The following LRP1 variants were observed in gnomAD, a reference collection of about 807,000 sequenced individuals.
LRP1 encodes LDL receptor related protein 1, also known as prolow-density lipoprotein receptor-related protein 1.
A neutral mutation model predicts 541.5 loss-of-function variants in LRP1; 51 were observed. The observed-to-expected ratio is 0.09, with a 90% CI of 0.08 to 0.12. The LOEUF is 0.12. Among genes scored for constraint, LRP1 ranks in the 10% least tolerant of loss-of-function variants. The pLI is 1.00. For missense variants in LRP1, 3,878 were observed against 6,376.2 expected (o/e 0.61, Z 13.34); for synonymous variants, 2,219 against 2,470.8 (o/e 0.90, Z 3.02).
rs747375184 is a variant in LRP1 at position 57,208,232 on chromosome 12, G to A, written c.12038+16G>A. The A allele has an allele frequency of 1.4e-4, 223 of 1,609,452 alleles. 2 individuals carry two copies. The highest frequency in any genetic ancestry group is 2.0e-5 in the Non-Finnish European group (23 of 1,177,856). On this transcript the variant is annotated intron_variant, in intron 77 of 88. Coordinates refer to ENST00000243077, the MANE Select transcript of LRP1 (RefSeq NM_002332.3). ...CACTGAGGGGGTGGGCAAGGGCCCT[G>A]GGGGGAGGCCTCTGGGCTGGTGGTA...
intron 19 of LRP1, 124 bp downstream of exon 19, chr12:57,167,648 C>T (rs959224205): frequency 1.4e-6 from 1 of 738,264 alleles, no homozygotes; most frequent in Non-Finnish European, 2.3e-6. Context: ...TGAATCCCTG[C>T]TGGGTTGCCT....
intron 10 of LRP1, among the ~76,000 whole-genome samples, chr12:57,157,374 G>T (rs1565723731): frequency 6.6e-6 from 1 of 152,228 alleles, no homozygotes; most frequent in African/African-American, 2.4e-5. Context: ...ACTTTGGGAG[G>T]CCGAGGCAGG....
chr12:57,149,581 A>G, intron 6 of LRP1: 1 of 699,468 alleles, frequency 1.4e-6, no homozygotes, highest in Non-Finnish European at 2.6e-6. Flanking sequence ...GCTGAGTGGA[A>G]TCCAGGCATC....
chr12:57,130,374 C>T (rs1180215659), intron 1 of LRP1, among the ~76,000 whole-genome samples: 1 of 152,098 alleles, frequency 6.6e-6, no homozygotes, highest in East Asian at 1.9e-4. Flanking sequence ...CCCCAAAAAA[C>T]ATATTTAGTG....
chr12:57,202,755 G>A, intron 68 of LRP1: 1 of 597,778 alleles, frequency 1.7e-6, no homozygotes, highest in Non-Finnish European at 3.0e-6. Context: ...TCCTCTCGGG[G>A]TTGCAGAGGT....
intron 79 of LRP1, 60 bp downstream of exon 79, chr12:57,209,259 A>C: frequency 7.2e-7 from 1 of 1,383,880 alleles, no homozygotes; most frequent in South Asian, 1.2e-5. Context: ...CATCCTCCCT[A>C]CTGAGCCAAA....
chr12:57,133,618 C>T (rs1186420695), intron 1 of LRP1, among the ~76,000 whole-genome samples: 3 of 133,480 alleles, frequency 2.2e-5, no homozygotes, highest in African/African-American at 5.7e-5. Context: ...TCTGTCCCCG[C>T]GCCGCCCCCC....
chr12:57,146,292 T>C (rs2035405296), intron 6 of LRP1, among the ~76,000 whole-genome samples: 1 of 152,202 alleles, frequency 6.6e-6, no homozygotes, highest in African/African-American at 2.4e-5. Flanking sequence ...GAATCTGGCC[T>C]GTGGTTGATC....
In LRP1 at chr12:57,209,634, A is replaced by G. The variant is rs1800162; in HGVS notation, c.12263-58A>G. ...AACCACAGGTGCCAGTGTCGTGGAC[A>G]GCATGGCCAGGGCCTGAGTGCCCCT... On this transcript the variant is annotated intron_variant, in intron 79 of 88. Coordinates refer to ENST00000243077, the MANE Select transcript of LRP1 (RefSeq NM_002332.3). The G allele has an allele frequency of 0.35, 517,241 of 1,473,826 alleles. 94,769 individuals carry two copies. The highest frequency in any genetic ancestry group is 0.52 in the African/African-American group (37,255 of 72,148). 91.3% of individuals were successfully genotyped at this position (1,473,826 alleles called of 1,614,324 possible). A position where few individuals can be genotyped will look rare whatever the true frequency, so the allele number is the denominator to read the frequency against.
Position 57,203,161 on chromosome 12 carries a change from T to C in LRP1, c.10712-20T>C. ...CCTTGTGCCCACCCTCCTGGGCCTG[T>C]CTCCCCCTGTCCTTCCCAGCCCCTC... On this transcript the variant is annotated intron_variant, in intron 68 of 88. Transcript: ENST00000243077. The C allele has an allele frequency of 6.5e-7, 1 of 1,532,754 alleles. No homozygotes were observed. The highest frequency in any genetic ancestry group is 8.8e-7 in the Non-Finnish European group (1 of 1,130,566). 94.9% of individuals were successfully genotyped at this position (1,532,754 alleles called of 1,614,324 possible). A position where few individuals can be genotyped will look rare whatever the true frequency, so the allele number is the denominator to read the frequency against.
At chr12:57,138,818 CAG>C (rs1727283246) in intron 2 of LRP1, among the ~76,000 whole-genome samples, 1 of 152,246 alleles carries the variant, frequency 6.6e-6, no homozygotes, top group African/African-American at 2.4e-5. Context: ...CACCCCAAGA[CAG>C]TGTTCTCTGG....
At chr12:57,195,818 C>G in intron 53 of LRP1, 38 bp downstream of exon 53, 3 of 1,614,078 alleles carry the variant, frequency 1.9e-6, no homozygotes, top group Non-Finnish European at 2.5e-6. Flanking sequence ...GCCCTGCCCT[C>G]TGCCGGGCCA....
Position 57,156,773 on chromosome 12 carries a change from C to T in LRP1, c.1418-4C>T. ...GTCCTAACAGCTCTTCACCCTGCCC[C>T]CAGTGAGGAGCCATGCCTGTGAAAA... is the stretch of plus-strand genomic sequence containing the variant. On this transcript the variant is annotated splice_region_variant and splice_polypyrimidine_tract_variant and intron_variant, in intron 9 of 88. Transcript: ENST00000243077. The surrounding 1 kb of genome is among the most constrained non-coding windows in gnomAD (Gnocchi z 5.2). The T allele has an allele frequency of 6.2e-7, 1 of 1,605,628 alleles. No individual in the cohort carries two copies. The highest frequency in any genetic ancestry group is 8.5e-7 in the Non-Finnish European group (1 of 1,174,582).
Position 57,154,818 on chromosome 12 carries a change from GC to G in LRP1, c.1227+121del. ...GAGTCTCCTGGTAAAGAGCGTGGAT[GC>G]CCCAGGCCTCTAGTGGGAGTGGGGT... On this transcript the variant is annotated intron_variant, in intron 8 of 88. Transcript: ENST00000243077. This position sits in a 1 kb window ranked among gnomAD's most constrained non-coding sequence, Gnocchi z 4.6. 1 of 935,860 alleles carries G rather than the reference GC, an allele frequency of 1.1e-6. No individual in the cohort carries two copies. Among genetic ancestry groups the G allele is most frequent in the Non-Finnish European group, 1.7e-6 (1 of 596,808 alleles). The allele number at this position is 935,860 out of a possible 1,614,324, so 58.0% of individuals were successfully genotyped here.
At chr12:57,148,875 G>A (rs1156822339) in intron 6 of LRP1, 2 of 493,698 alleles carry the variant, frequency 4.1e-6, no homozygotes, top group Admixed American at 7.6e-5. Flanking sequence ...CTCAGCAAAG[G>A]GCCCCTAGGC....
chr12:57,175,953 C>T lies in LRP1; in HGVS notation c.3838C>T (p.Arg1280Trp), dbSNP rs769050147. ...FIIFSNRHEI[R>W]RIDLHKGDYS... ...CATTTTCTCCAACCGCCATGAAATC[C>T]GGCGCATCGATCTTCACAAAGGAGA... The change falls in exon 24 of 89, where the codon CGG becomes TGG. Residue 1280 changes from arginine (R) to tryptophan (W), a missense_variant. Physicochemically the swap from Arg to Trp is moderately radical, Grantham distance 101. This residue lies in a region of LRP1 where 320 missense variants were observed against 547.9 expected (regional missense o/e 0.58). Coordinates refer to ENST00000243077, the MANE Select transcript of LRP1 (RefSeq NM_002332.3). 1 of 1,614,218 alleles carries T rather than the reference C, an allele frequency of 6.2e-7. No homozygotes were observed. The highest frequency in any genetic ancestry group is 8.5e-7 in the Non-Finnish European group (1 of 1,180,042).
chr12:57,176,242 A>G, intron 24 of LRP1, 136 bp downstream of exon 24: 1 of 811,818 alleles, frequency 1.2e-6, no homozygotes, highest in South Asian at 1.7e-5. Context: ...ATTGGGTTAG[A>G]TTTTGCTGTG....
At position 57,210,155 on chromosome 12, in the gene LRP1, C is replaced by T. The variant is rs746223922; in HGVS notation, c.12566C>T (p.Thr4189Met). The T allele has an allele frequency of 1.1e-5, 18 of 1,602,644 alleles. No homozygotes were observed. The highest frequency in any genetic ancestry group is 4.5e-5 in the East Asian group (2 of 44,750). ...NGTCVPVPSP[T>M]PPPDAPRPGT... The stretch of plus-strand genomic sequence containing the variant: ...ACATGCGTGCCTGTGCCCTCTCCAA[C>T]GCCCCCCCCAGATGGTATGCTTATG... Residue 4189 changes from threonine to methionine, a missense_variant, in exon 81 of 89, where the codon ACG (threonine) becomes ATG (methionine). This residue lies in a region of LRP1 where 871 missense variants were observed against 1,212.4 expected (regional missense o/e 0.72). Coordinates refer to ENST00000243077, the MANE Select transcript of LRP1 (RefSeq NM_002332.3).
intron 45 of LRP1, 28 bp downstream of exon 45, chr12:57,192,998 C>A (rs373487281): frequency 1.2e-6 from 2 of 1,605,632 alleles, no homozygotes; most frequent in South Asian, 1.1e-5. Context: ...GAGGGGCTGG[C>A]GGGGAACCCA....
Sources: allele counts gnomAD v4.1 joint callset (sites outside exome capture counted in the v4.1 genomes callset), GRCh38; gene constraint gnomAD v4.1.1; regional missense constraint gnomAD v4.1.1; non-coding constraint Gnocchi (gnomAD v3.1); transcripts MANE v1.5; gene names NCBI Gene and HGNC (gene_info 2026-07-23, HGNC 2026-07-21).